LCTL: variants seen among roughly 807,000 people sequenced by gnomAD.
The protein encoded by LCTL is lactase like, also known as lactase-like protein.
LCTL carries 76 observed loss-of-function variants against 75.8 expected under a neutral mutation model. The ratio of observed to expected loss-of-function variants is 1.00; its 90% confidence interval spans 0.83 to 1.21. The LOEUF is 1.21. LCTL is among the 50% of genes most tolerant of loss of function. The pLI is 0.00. For synonymous variants in LCTL, 271 were observed against 268.8 expected, an observed-to-expected ratio of 1.01 and a Z score of -0.08; for missense variants, 670 against 712.4, an observed-to-expected ratio of 0.94 and a Z score of 0.68.
At chr15:66,552,667 C>CAAAAAAAAAAAAAAAAA in intron 9 of LCTL, among the ~76,000 whole-genome samples, 1 of 53,106 alleles carries the variant, frequency 1.9e-5, no homozygotes, top group Non-Finnish European at 4.6e-5. Flanking sequence ...GAGACTGTCT[C>CAAAAAAAAAAAAAAAAA]AAAAAAAAAA....
chr15:66,549,209 G>C (rs549003026), intron 12 of LCTL: 4 of 152,298 alleles, frequency 2.6e-5, no homozygotes, highest in African/African-American at 7.2e-5. Context: ...ACATCCTCAC[G>C]TGGAGTTCAC....
exon 11 of LCTL, chr15:66,551,749 GTTAAAT>G: frequency 1.2e-6 from 2 of 1,613,744 alleles, no homozygotes; most frequent in Non-Finnish European, 1.7e-6. Flanking sequence ...TATTTCTGTC[GTTAAAT>G]TCAACATAGT....
At chr15:66,552,504 C>G (rs1326832783) in intron 9 of LCTL, among the ~76,000 whole-genome samples, 2 of 151,760 alleles carry the variant, frequency 1.3e-5, no homozygotes, top group Non-Finnish European at 2.9e-5. Flanking sequence ...AAACCTGTCT[C>G]TACTAAAAAT....
At chr15:66,558,186 ACTT>A in intron 6 of LCTL, 150 bp from the exon 8 acceptor site, 1 of 553,262 alleles carries the variant, frequency 1.8e-6, no homozygotes, top group South Asian at 4.7e-5. Flanking sequence ...CTTTCCTCTA[ACTT>A]CTTGAGGCAC....
chr15:66,557,809 C>T lies in LCTL; in HGVS notation c.835G>A (p.Ala279Thr), dbSNP rs1483556275. Residue 279 changes from alanine (A) to threonine (T), a missense_variant, in exon 8 of 13, where the codon GCC (alanine) becomes ACC (threonine). Coordinates refer to ENST00000341509, the Ensembl canonical transcript of LCTL. ...AGACAGAACTGTAGGTATCTCTCGG[C>T]AGCCTCTAGGTCCTTGGGGTTACTA... The T allele has an allele frequency of 3.1e-6, 5 of 1,614,064 alleles. No homozygotes were observed. The South Asian group carries it at 3.3e-5, about 11-fold the overall frequency.
chr15:66,556,108 A>G (rs931892851), intron 8 of LCTL, among the ~76,000 whole-genome samples: 8 of 152,254 alleles, frequency 5.3e-5, no homozygotes, highest in African/African-American at 1.9e-4. Flanking sequence ...CCTTAAAAAA[A>G]AATTAAAAAT....
intron 1 of LCTL, 118 bp from the exon 3 acceptor site, chr15:66,564,957 C>G: frequency 4.4e-6 from 4 of 903,306 alleles, no homozygotes; most frequent in Non-Finnish European, 6.7e-6. Context: ...CTGCCCCTGT[C>G]CCACTGGGGA....
intron 8 of LCTL, among the ~76,000 whole-genome samples, chr15:66,556,069 C>T (rs1391949507): frequency 6.6e-6 from 1 of 152,068 alleles, no homozygotes; most frequent in Non-Finnish European, 1.5e-5. Context: ...TAAAATGGTA[C>T]ACCCACTGTT....
At chr15:66,548,547 G>A in exon 13 of LCTL, 1 of 1,613,722 alleles carries the variant, frequency 6.2e-7, no homozygotes. Flanking sequence ...GGACACAGAG[G>A]GAGCAGACAG....
chr15:66,548,372 G>A lies in LCTL; in HGVS notation c.*118C>T, dbSNP rs116701340. 8.5e-4 allele frequency: 422 copies of A among 497,370 alleles called. 1 individual carries two copies. Among genetic ancestry groups the A allele is most frequent in the African/African-American group, 7.3e-3 (378 of 51,922 alleles). The allele number at this position is 497,370 out of a possible 1,614,324, so 30.8% of individuals were successfully genotyped here. A position where few individuals can be genotyped will look rare whatever the true frequency, so the allele number is the denominator to read the frequency against. ...CCAGCACAAGCCAAAAAGAGAAAGA[G>A]AAAAAAAGGTAATTATTGTAGAACC... is the stretch of plus-strand genomic sequence containing the variant. On this transcript the variant is annotated 3_prime_UTR_variant, in exon 13 of 13. Coordinates refer to ENST00000341509, the Ensembl canonical transcript of LCTL.
chr15:66,553,953 C>T (rs948718063), intron 8 of LCTL, among the ~76,000 whole-genome samples: 8 of 149,342 alleles, frequency 5.4e-5, no homozygotes, highest in East Asian at 2.0e-4. Flanking sequence ...ATCAGGAGTT[C>T]GCGACCAGCC....
At chr15:66,552,064 A>G (rs1362667453) in exon 10 of LCTL, 1 of 1,611,160 alleles carries the variant, frequency 6.2e-7, no homozygotes, top group Admixed American at 1.7e-5. Flanking sequence ...TCATTTATGT[A>G]TCCTTTAAGG....
At position 66,556,322 on chromosome 15, in the gene LCTL, C is replaced by T. The variant is rs79150324; in HGVS notation, c.922+1400G>A. On this transcript the variant is annotated intron_variant, in intron 8 of 12. Coordinates refer to ENST00000341509, the Ensembl canonical transcript of LCTL. ...ACAATGGAAATTTTTTTTTCTTTTT[C>T]GAGATGGAGTCTCACTCTATCACCC... Among the ~76,000 whole-genome samples the T allele has an allele frequency of 1.6e-3, 242 of 151,436 alleles. 1 individual carries two copies. Among genetic ancestry groups the T allele is most frequent in the African/African-American group, 5.6e-3 (233 of 41,348 alleles).
chr15:66,556,334 T>C (rs977413106), intron 8 of LCTL, among the ~76,000 whole-genome samples: 1 of 152,162 alleles, frequency 6.6e-6, no homozygotes, highest in African/African-American at 2.4e-5. Context: ...AGATGGAGTC[T>C]CACTCTATCA....
intron 4 of LCTL, 26 bp from the exon 6 acceptor site, chr15:66,561,341 C>G (rs1490079558): frequency 6.2e-7 from 1 of 1,613,954 alleles, no homozygotes; most frequent in East Asian, 2.2e-5. Context: ...AGCAGATGCC[C>G]CATGAATGAA....
At chr15:66,558,253 T>C (rs184023268) in intron 6 of LCTL, among the ~76,000 whole-genome samples, 4 of 152,316 alleles carry the variant, frequency 2.6e-5, no homozygotes, top group African/African-American at 7.2e-5. Context: ...TCAAACAACT[T>C]TTTGTTGTTA....
chr15:66,557,669 T>G (rs1595706833), intron 8 of LCTL, 53 bp downstream of exon 9: 1 of 1,573,910 alleles, frequency 6.4e-7, no homozygotes, highest in Non-Finnish European at 8.7e-7. Context: ...TTGTTTCACA[T>G]GGGCTCAATA....
At chr15:66,564,082 C>T (rs762564026) in intron 2 of LCTL, 84 bp from the exon 4 acceptor site, 9 of 873,424 alleles carry the variant, frequency 1.0e-5, no homozygotes, top group Non-Finnish European at 1.6e-5. Flanking sequence ...GGCCGAGGCT[C>T]ACTCTTGTCT....
At chr15:66,551,709 A>G (rs1468609853) in exon 11 of LCTL, 4 of 1,614,022 alleles carry the variant, frequency 2.5e-6, no homozygotes, top group Non-Finnish European at 2.5e-6. Flanking sequence ...TTCTTGTAAT[A>G]TTGAACTGAA....
Sources: gnomAD v4.1 joint callset for allele counts (sites outside exome capture counted in the v4.1 genomes callset) on GRCh38, gnomAD v4.1.1 for gene constraint, MANE v1.5 for transcripts, NCBI Gene and HGNC (gene_info 2026-07-23, HGNC 2026-07-21) for gene names.